The following KRT4 variants were observed in gnomAD, a reference collection of about 807,000 sequenced individuals.
The protein encoded by KRT4 is keratin 4.
In KRT4, 47 loss-of-function variants were observed where a neutral mutation model predicts 50.6. The observed-to-expected ratio is 0.93, with a 90% CI of 0.73 to 1.18. KRT4 has a LOEUF of 1.18. Among genes scored for constraint, KRT4 ranks in the 50% most tolerant of loss-of-function variants. The pLI is 0.00. For synonymous variants in KRT4, 254 were observed against 251.2 expected (o/e 1.01, Z -0.10); for missense variants, 651 against 645.7 (o/e 1.01, Z -0.09).
chr12:52,807,296 A>G (rs1217475992), intron 8 of KRT4, 46 bp from the exon 9 acceptor site: 30 of 1,613,682 alleles, frequency 1.9e-5, no homozygotes, highest in Non-Finnish European at 2.3e-5. Flanking sequence ...TGCTGCCAGC[A>G]CCCCAGGGGT....
At chr12:52,810,297 C>T (rs1266731953) in intron 3 of KRT4, among the ~76,000 whole-genome samples, 2 of 152,146 alleles carry the variant, frequency 1.3e-5, no homozygotes, top group East Asian at 3.8e-4. Context: ...ACTGTAACCC[C>T]AGCACTTTGG....
intron 7 of KRT4, 25 bp downstream of exon 7, chr12:52,807,619 G>A: frequency 6.2e-7 from 1 of 1,611,440 alleles, no homozygotes; most frequent in Non-Finnish European, 8.5e-7. Context: ...TGGCCCTCAT[G>A]TTCACACCCT....
At chr12:52,810,970 C>A in intron 2 of KRT4, 154 bp from the exon 3 acceptor site, 1 of 683,152 alleles carries the variant, frequency 1.5e-6, no homozygotes, top group Non-Finnish European at 2.7e-6. Context: ...TTCATTTAAC[C>A]TATATTCATT....
intron 1 of KRT4, among the ~76,000 whole-genome samples, chr12:52,812,832 C>T (rs1260961166): frequency 1.3e-5 from 2 of 152,192 alleles, no homozygotes; most frequent in African/African-American, 4.8e-5. Flanking sequence ...TTCATTCTTG[C>T]CCCATATGTC....
intron 5 of KRT4, 105 bp from the exon 6 acceptor site, chr12:52,808,524 C>T: frequency 6.4e-7 from 1 of 1,551,388 alleles, no homozygotes; most frequent in Non-Finnish European, 8.9e-7. Flanking sequence ...AGAATAGCAC[C>T]AAATGTCAAG....
intron 1 of KRT4, 68 bp downstream of exon 1, chr12:52,813,529 G>A: frequency 1.4e-6 from 2 of 1,409,482 alleles, no homozygotes; most frequent in East Asian, 2.3e-5. Context: ...GCAGGCTCAG[G>A]TCTGAGACCC....
Position 52,814,074 on chromosome 12 carries a change from G to T in KRT4, c.-16C>A. 2 of 1,613,710 alleles carry T rather than the reference G, an allele frequency of 1.2e-6. No homozygotes were observed. Among genetic ancestry groups the T allele is most frequent in the Non-Finnish European group, 8.5e-7 (1 of 1,179,792 alleles). On this transcript the variant is annotated 5_prime_UTR_variant, in exon 1 of 9. Coordinates refer to ENST00000551956, the MANE Select transcript of KRT4 (RefSeq NM_002272.4). The stretch of plus-strand genomic sequence containing the variant: ...TGGCAATCATGGCTGCAGAGAGCGA[G>T]CTGGGAGCTATCAGAGAAGTGACAG...
chr12:52,808,677 A>T lies in KRT4; in HGVS notation c.999+9T>A. ...CAGCCCCATCTCCTGAGAGATCCATACCACCCACCTTGGTCTGGTACAGGG... is the reference window on the plus strand; with the variant it reads ...CAGCCCCATCTCCTGAGAGATCCATTCCACCCACCTTGGTCTGGTACAGGG... On this transcript the variant is annotated intron_variant, in intron 5 of 8. Transcript: ENST00000551956. 6.2e-7 allele frequency: 1 copy of T among 1,614,066 alleles called. No homozygotes were observed. The highest frequency in any genetic ancestry group is 8.5e-7 in the Non-Finnish European group (1 of 1,179,948).
intron 1 of KRT4, among the ~76,000 whole-genome samples, chr12:52,813,139 G>A (rs1160501269): frequency 6.6e-6 from 1 of 152,198 alleles, no homozygotes; most frequent in African/African-American, 2.4e-5. Flanking sequence ...CCAAGGCCTT[G>A]GTGAGACCTA....
chr12:52,810,711 G>T (rs1262849483), intron 3 of KRT4, 45 bp downstream of exon 3: 5 of 1,544,012 alleles, frequency 3.2e-6, no homozygotes, highest in African/African-American at 1.4e-5. Flanking sequence ...CTCCCCAAGG[G>T]AAGGGGCACC....
At position 52,806,965 on chromosome 12, in the gene KRT4, A is replaced by T. The variant is rs1939806922; in HGVS notation, c.*104T>A. The T allele has an allele frequency of 9.0e-7, 1 of 1,114,448 alleles. No individual in the cohort carries two copies. The highest frequency in any genetic ancestry group is 1.9e-5 in the Admixed American group (1 of 53,508). 69.0% of individuals were successfully genotyped at this position (1,114,448 alleles called of 1,614,324 possible). A position where few individuals can be genotyped will look rare whatever the true frequency, so the allele number is the denominator to read the frequency against. On this transcript the variant is annotated 3_prime_UTR_variant, in exon 9 of 9. Transcript: ENST00000551956. ...ATGGGATAGTGGAGGGGATACTAGT[A>T]AGATGAGCCCCAGAGACAGAGGATG...
At chr12:52,808,573 A>T in intron 5 of KRT4, 113 bp downstream of exon 5, 2 of 1,477,282 alleles carry the variant, frequency 1.4e-6, no homozygotes, top group Non-Finnish European at 1.9e-6. Flanking sequence ...TGCCTGGGAG[A>T]GTCTGTTCAT....
At chr12:52,809,553 A>T in intron 3 of KRT4, 75 bp from the exon 4 acceptor site, 3 of 1,023,960 alleles carry the variant, frequency 2.9e-6, no homozygotes, top group Non-Finnish European at 4.7e-6. Flanking sequence ...AGTGACACCG[A>T]CAGGTGTTCT....
Position 52,811,833 on chromosome 12 carries a change from C to T in KRT4, c.607G>A (p.Gly203Ser). 6.2e-7 allele frequency: 1 copy of T among 1,614,024 alleles called. No individual in the cohort carries two copies. Among genetic ancestry groups the T allele is most frequent in the African/African-American group, 1.3e-5 (1 of 75,014 alleles). Residue 203 changes from glycine (G) to serine (S), a missense_variant, in exon 2 of 9, where the codon GGC becomes AGC. By Grantham distance (56) the Gly-to-Ser change is moderately conservative. Transcript: ENST00000551956. ...GACTGCAGGCGCCCTTTGTCATTGC[C>T]CAAGGTATCTAGCTGCTTCCTCAGG... ...SVLRKQLDTL[G>S]NDKGRLQSEL...
chr12:52,811,391 G>T (rs1246679465), intron 2 of KRT4: 1 of 282,168 alleles, frequency 3.5e-6, no homozygotes, highest in Non-Finnish European at 6.8e-6. Context: ...AGCTCAGAGA[G>T]GTTCAGCTAT....
Position 52,811,882 on chromosome 12 carries a change from G to C in KRT4, c.558C>G (p.Pro186=), listed in dbSNP as rs766644080. The change falls in exon 2 of 9, where the codon CCC becomes CCG. Residue 186 remains proline, a synonymous_variant. Coordinates refer to ENST00000551956, the MANE Select transcript of KRT4 (RefSeq NM_002272.4). The part of the protein sequence containing the change: ...TTTTSSKNLE[P]LFETYLSVLR... ...GGACACTGAGGTAGGTCTCAAAGAG[G>C]GGCTCAAGGTTTTTGCTGGAGGTGG... is the stretch of plus-strand genomic sequence containing the variant. The C allele has an allele frequency of 4.7e-5, 76 of 1,613,942 alleles. No homozygotes were observed. In the South Asian group the frequency reaches 4.7e-4, roughly 10 times the overall value.
At chr12:52,810,173 T>C (rs1939883564) in intron 3 of KRT4, among the ~76,000 whole-genome samples, 1 of 152,226 alleles carries the variant, frequency 6.6e-6, no homozygotes, top group Admixed American at 6.5e-5. Flanking sequence ...ATCCCAGCAA[T>C]GGATACTCTA....
At position 52,807,341 on chromosome 12, in the gene KRT4, G is replaced by A. The variant is rs774490308; in HGVS notation, c.1381+18C>T. Reference sequence around the variant, plus strand: ...CCCGGGTGAATGAACAACTACAGCAGGCGTGGAAGGTACTTACAGATGCTC... The same window carrying A: ...CCCGGGTGAATGAACAACTACAGCAAGCGTGGAAGGTACTTACAGATGCTC... On this transcript the variant is annotated intron_variant, in intron 8 of 8. Transcript: ENST00000551956. 1.2e-6 allele frequency: 2 copies of A among 1,614,208 alleles called. No individual in the cohort carries two copies. Among genetic ancestry groups the A allele is most frequent in the African/African-American group, 2.7e-5 (2 of 75,064 alleles).
chr12:52,810,547 CA>C (rs531884232), intron 3 of KRT4, among the ~76,000 whole-genome samples: 10 of 147,230 alleles, frequency 6.8e-5, no homozygotes, highest in African/African-American at 1.0e-4. Context: ...AGCTCCATCT[CA>C]AAAAAAAAAG....
Sources: gnomAD v4.1 joint callset for allele counts (sites outside exome capture counted in the v4.1 genomes callset) on GRCh38, gnomAD v4.1.1 for gene constraint, MANE v1.5 for transcripts, NCBI Gene and HGNC (gene_info 2026-07-23, HGNC 2026-07-21) for gene names.